The following QKI variants were observed in gnomAD, a reference collection of about 807,000 sequenced individuals.
The protein encoded by QKI is QKI, KH domain containing RNA binding, also known as KH domain-containing RNA-binding protein QKI.
A neutral mutation model predicts 39.0 loss-of-function variants in QKI; 10 were observed. That is an observed-to-expected ratio of 0.26 (90% CI 0.16 to 0.43). The LOEUF is 0.43. QKI is among the 20% of genes least tolerant of loss of function. The pLI is 1.00. For synonymous variants in QKI, 204 were observed against 155.4 expected, an observed-to-expected ratio of 1.31 and a Z score of -2.33; for missense variants, 218 against 428.0, an observed-to-expected ratio of 0.51 and a Z score of 4.33.
At chr6:163,497,344 T>G (rs1778472746) in intron 3 of QKI, among the ~76,000 whole-genome samples, 1 of 152,142 alleles carries the variant, frequency 6.6e-6, no homozygotes, top group African/African-American at 2.4e-5. Flanking sequence ...ATCAATTATT[T>G]TGCTGTTTAA....
chr6:163,509,364 C>T (rs1779295280), intron 3 of QKI, among the ~76,000 whole-genome samples: 1 of 152,042 alleles, frequency 6.6e-6, no homozygotes, highest in Non-Finnish European at 1.5e-5. Context: ...AAGTTGATTA[C>T]ATAGAAATTT....
intron 3 of QKI, among the ~76,000 whole-genome samples, chr6:163,521,430 C>T (rs1425660522): frequency 6.6e-6 from 1 of 152,116 alleles, no homozygotes; most frequent in Non-Finnish European, 1.5e-5. Context: ...TTGATTCGCT[C>T]TTATTACTCT....
intron 4 of QKI, among the ~76,000 whole-genome samples, chr6:163,556,229 A>G (rs1326543234): frequency 6.6e-6 from 1 of 152,164 alleles, no homozygotes; most frequent in Non-Finnish European, 1.5e-5. Flanking sequence ...ATAGTTGATG[A>G]TGGCTGGGCA....
intron 3 of QKI, among the ~76,000 whole-genome samples, chr6:163,520,410 A>T (rs2128237429): frequency 6.6e-6 from 1 of 152,274 alleles, no homozygotes; most frequent in South Asian, 2.1e-4. Context: ...AGCTAGCAAG[A>T]AGTTCAGGAT....
At chr6:163,477,414 A>G (rs903361758) in intron 2 of QKI, among the ~76,000 whole-genome samples, 1 of 152,162 alleles carries the variant, frequency 6.6e-6, no homozygotes, top group African/African-American at 2.4e-5. Context: ...GTAGTATACT[A>G]CTTGAGTTTA....
intron 4 of QKI, among the ~76,000 whole-genome samples, 163 bp from the exon 5 acceptor site, chr6:163,561,819 G>A (rs1426942635): frequency 6.6e-6 from 1 of 152,094 alleles, no homozygotes; most frequent in African/African-American, 2.4e-5. Context: ...GAGAAAGCAG[G>A]CTCCATTATG....
At chr6:163,509,262 A>C in intron 3 of QKI, among the ~76,000 whole-genome samples, 1 of 152,174 alleles carries the variant, frequency 6.6e-6, no homozygotes, top group Middle Eastern at 3.2e-3. Context: ...TTGAAATGAA[A>C]GATAACAGAC....
chr6:163,445,220 G>A (rs1260166948), intron 1 of QKI, among the ~76,000 whole-genome samples: 1 of 151,944 alleles, frequency 6.6e-6, no homozygotes, highest in East Asian at 1.9e-4. Context: ...ATGGGAAGCA[G>A]GAAATGAGTA....
At chr6:163,564,381 A>G in intron 6 of QKI, 1 of 1,215,242 alleles carries the variant, frequency 8.2e-7, no homozygotes, top group Non-Finnish European at 1.1e-6. Context: ...ATGGGACCAC[A>G]TAGTATAAGT....
intron 3 of QKI, among the ~76,000 whole-genome samples, chr6:163,528,881 C>T (rs1005524714): frequency 6.6e-6 from 1 of 152,060 alleles, no homozygotes; most frequent in Non-Finnish European, 1.5e-5. Context: ...GTTTTGAGCT[C>T]TGAACATATT....
intron 1 of QKI, chr6:163,423,727 C>A (rs1788188497): frequency 6.6e-6 from 1 of 152,268 alleles, no homozygotes; most frequent in Non-Finnish European, 1.5e-5. Flanking sequence ...AGTGAGAAAG[C>A]CATTTTTAGA....
chr6:163,423,520 G>A (rs912391653), intron 1 of QKI: 1 of 152,164 alleles, frequency 6.6e-6, no homozygotes, highest in African/African-American at 2.4e-5. Context: ...CTCTCCACAA[G>A]GGGAACTGGA....
intron 6 of QKI, chr6:163,565,240 A>T (rs1447575035): frequency 2.0e-6 from 2 of 987,932 alleles, no homozygotes; most frequent in African/African-American, 3.5e-5. Flanking sequence ...TTCTATTAAT[A>T]CTCTGTCCTG....
At chr6:163,451,591 C>T (rs1790561801) in intron 1 of QKI, among the ~76,000 whole-genome samples, 1 of 152,054 alleles carries the variant, frequency 6.6e-6, no homozygotes, top group African/African-American at 2.4e-5. Context: ...CTAAAAATTT[C>T]TCTTGATACT....
intron 6 of QKI, chr6:163,564,093 AGGT>A: frequency 9.4e-7 from 1 of 1,058,592 alleles, no homozygotes; most frequent in Non-Finnish European, 1.1e-6. Context: ...TTTATCTCAC[AGGT>A]TTGTGTAATT....
In QKI at chr6:163,414,850, C is replaced by A. The variant is rs1014946355; in HGVS notation, c.-344C>A. ...AGCCGAGCGAGCGGCGGCCCCGGCT[C>A]CTCCTCGTCCGGCGCCAGCAGCCCG... On this transcript the variant is annotated 5_prime_UTR_variant, in exon 1 of 8. Coordinates refer to ENST00000361752, the MANE Select transcript of QKI (RefSeq NM_006775.3). The A allele has an allele frequency of 4.2e-5, 6 of 143,964 alleles. No individual in the cohort carries two copies. Among genetic ancestry groups the A allele is most frequent in the African/African-American group, 1.3e-4 (5 of 39,894 alleles). 8.9% of individuals were successfully genotyped at this position (143,964 alleles called of 1,614,324 possible). A position where few individuals can be genotyped will look rare whatever the true frequency, so the allele number is the denominator to read the frequency against.
intron 4 of QKI, among the ~76,000 whole-genome samples, chr6:163,541,091 G>A (rs1242870837): frequency 6.6e-6 from 1 of 151,968 alleles, no homozygotes; most frequent in Non-Finnish European, 1.5e-5. Context: ...TTGTACTTCT[G>A]AGACTTTTCT....
chr6:163,474,205 G>GT (rs1416021411), intron 2 of QKI, among the ~76,000 whole-genome samples: 1 of 152,132 alleles, frequency 6.6e-6, no homozygotes, highest in Non-Finnish European at 1.5e-5. Context: ...TCTTCAAAAA[G>GT]TTTAAGATTA....
intron 3 of QKI, among the ~76,000 whole-genome samples, chr6:163,524,884 C>A (rs1156830476): frequency 6.6e-6 from 1 of 152,046 alleles, no homozygotes; most frequent in Non-Finnish European, 1.5e-5. Context: ...ATGTGCTATC[C>A]GAACACTAAC....
Sources: allele counts gnomAD v4.1 joint callset (sites outside exome capture counted in the v4.1 genomes callset), GRCh38; gene constraint gnomAD v4.1.1; transcripts MANE v1.5; gene names NCBI Gene and HGNC (gene_info 2026-07-23, HGNC 2026-07-21).